Variants in RARB observed in about 807,000 individuals in gnomAD.
RARB encodes HBV-activated protein.
Under a neutral mutation model 51.9 loss-of-function variants are expected in RARB, and 17 were observed. The ratio of observed to expected loss-of-function variants is 0.33; its 90% CI spans 0.22 to 0.49. The LOEUF is 0.49. Ranked by LOEUF, RARB falls within the 20% of genes least tolerant of loss-of-function variation. The probability of loss-of-function intolerance (pLI) is 0.99; values close to 1 mark genes in which losing one functional copy is unlikely to be tolerated. For missense variants in RARB, 369 were observed against 550.8 expected (o/e 0.67, Z 3.30); for synonymous variants, 215 against 195.4 (o/e 1.10, Z -0.84).
intron 5 of RARB, among the ~76,000 whole-genome samples, chr3:25,360,812 C>G (rs987384945): frequency 2.0e-5 from 3 of 152,178 alleles, no homozygotes; most frequent in East Asian, 1.9e-4. Flanking sequence ...GGCCCCTACT[C>G]TCTTCTGGCT....
chr3:25,222,783 A>G (rs1701975198), intron 5 of RARB, among the ~76,000 whole-genome samples: 1 of 152,190 alleles, frequency 6.6e-6, no homozygotes. Context: ...ATACAGTAAC[A>G]TTCTTCATAG....
intron 2 of RARB, among the ~76,000 whole-genome samples, chr3:25,487,293 C>G (rs141896247): frequency 6.6e-6 from 1 of 152,294 alleles, no homozygotes; most frequent in African/African-American, 2.4e-5. Flanking sequence ...ATAATAGACC[C>G]CATTGCTTCT....
intron 5 of RARB, among the ~76,000 whole-genome samples, chr3:25,393,105 T>A (rs1707017407): frequency 2.0e-5 from 3 of 152,148 alleles, no homozygotes; most frequent in African/African-American, 4.8e-5. Context: ...AAAACGATGC[T>A]GGATTTTGTC....
intron 1 of RARB, among the ~76,000 whole-genome samples, chr3:24,829,474 G>A (rs565799700): frequency 1.7e-3 from 262 of 152,274 alleles, no homozygotes; most frequent in African/African-American, 5.5e-3. Flanking sequence ...AGCGTCCCCG[G>A]AGCCCCAAGC....
chr3:25,342,789 A>C (rs566360758), intron 5 of RARB, among the ~76,000 whole-genome samples: 1 of 152,282 alleles, frequency 6.6e-6, no homozygotes, highest in South Asian at 2.1e-4. Context: ...AAGCAGAAAC[A>C]GAGACGGTAG....
At chr3:25,236,652 A>G (rs1051078029) in intron 5 of RARB, among the ~76,000 whole-genome samples, 1 of 152,104 alleles carries the variant, frequency 6.6e-6, no homozygotes, top group Non-Finnish European at 1.5e-5. Flanking sequence ...CCGAACAATT[A>G]ATATATACAT....
intron 5 of RARB, among the ~76,000 whole-genome samples, chr3:25,269,057 C>T (rs1703190867): frequency 6.6e-6 from 1 of 152,010 alleles, no homozygotes; most frequent in African/African-American, 2.4e-5. Flanking sequence ...ATGTTGAATA[C>T]CAAAAGTAAT....
chr3:25,080,216 G>A (rs982470312), intron 3 of RARB, among the ~76,000 whole-genome samples: 1 of 152,170 alleles, frequency 6.6e-6, no homozygotes, highest in South Asian at 2.1e-4. Flanking sequence ...GTTTCACTTA[G>A]AAGAATGTTT....
chr3:25,289,834 G>T (rs1271639900), intron 5 of RARB, among the ~76,000 whole-genome samples: 1 of 152,170 alleles, frequency 6.6e-6, no homozygotes, highest in African/African-American at 2.4e-5. Flanking sequence ...TCAACCAAAG[G>T]ATTAATTTTC....
In RARB at chr3:24,895,334, A is replaced by T. The variant is rs187693411; in HGVS notation, c.-380+36582A>T. ...TACTTTTATTAATCCCTAGCTCTGA[A>T]TTAGTGACTCTCAATTTTGTTGTAC... On this transcript the variant is annotated intron_variant, in intron 2 of 11. Coordinates refer to the RARB transcript ENST00000383772. Among the ~76,000 whole-genome samples the T allele has an allele frequency of 7.9e-5, 12 of 152,320 alleles. No individual in the cohort carries two copies. The East Asian group carries it at 2.3e-3, about 29-fold the overall frequency.
Position 25,596,487 on chromosome 3 carries a change from G to T in RARB, c.1218G>T (p.Met406Ile), listed in dbSNP as rs1701837775. Residue 406 changes from methionine (M) to isoleucine (I), a missense_variant, in exon 8 of 8, where the codon ATG (methionine) becomes ATT (isoleucine). Met to Ile is a conservative substitution (Grantham distance 10, BLOSUM62 1). Coordinates refer to ENST00000330688, the MANE Select transcript of RARB (RefSeq NM_000965.5). ...CAATGCCACCTCTCATTCAAGAAATGCTGGAGAATTCTGAAGGACATGAAC... is the reference window on the plus strand; with the variant it reads ...CAATGCCACCTCTCATTCAAGAAATTCTGGAGAATTCTGAAGGACATGAAC... ...PGSMPPLIQE[M>I]LENSEGHEPL... The T allele has an allele frequency of 6.2e-7, 1 of 1,613,486 alleles. No homozygotes were observed.
In RARB at chr3:25,596,868, T is replaced by C; in HGVS notation, c.*252T>C. 2.9e-6 allele frequency: 1 copy of C among 342,136 alleles called. No individual in the cohort carries two copies. The highest frequency in any genetic ancestry group is 4.3e-5 in the Admixed American group (1 of 23,512). The allele number at this position is 342,136 out of a possible 1,614,324, so 21.2% of individuals were successfully genotyped here. ...AGAAACTAGTTAAAAGCTTCTATTT[T>C]CCTCTTTGAACACTCAAGATTGCAT... On this transcript the variant is annotated 3_prime_UTR_variant, in exon 8 of 8. Coordinates refer to ENST00000330688, the MANE Select transcript of RARB (RefSeq NM_000965.5).
At chr3:25,023,422 T>C (rs1697679028) in intron 2 of RARB, among the ~76,000 whole-genome samples, 1 of 152,200 alleles carries the variant, frequency 6.6e-6, no homozygotes, top group Admixed American at 6.5e-5. Flanking sequence ...GTTGGCTTTG[T>C]CCTTTATTGA....
At chr3:25,120,731 A>G (rs1423146224) in intron 3 of RARB, among the ~76,000 whole-genome samples, 3 of 152,162 alleles carry the variant, frequency 2.0e-5, no homozygotes, top group Non-Finnish European at 4.4e-5. Context: ...AAATTCCATG[A>G]AGATGAATGA....
chr3:25,134,581 A>C (rs1223494841), intron 4 of RARB, among the ~76,000 whole-genome samples: 4 of 151,976 alleles, frequency 2.6e-5, no homozygotes, highest in Non-Finnish European at 4.4e-5. Flanking sequence ...TGATAACGTG[A>C]TACTATCATA....
chr3:25,067,372 A>G (rs1208341930), intron 3 of RARB, among the ~76,000 whole-genome samples: 1 of 152,206 alleles, frequency 6.6e-6, no homozygotes, highest in Non-Finnish European at 1.5e-5. Context: ...ATACACAGAG[A>G]GCATGAGAAA....
At chr3:25,141,669 T>C (rs1338636377) in intron 4 of RARB, among the ~76,000 whole-genome samples, 1 of 152,224 alleles carries the variant, frequency 6.6e-6, no homozygotes, top group African/African-American at 2.4e-5. Flanking sequence ...ATAAATGGCT[T>C]TCTGCACCTG....
intron 1 of RARB, among the ~76,000 whole-genome samples, chr3:25,447,423 C>T (rs1024325302): frequency 5.9e-5 from 9 of 152,152 alleles, no homozygotes; most frequent in East Asian, 1.9e-4. Flanking sequence ...TGTCTGTTTG[C>T]GTGGGCAGGA....
chr3:25,293,129 G>A (rs1051649379), intron 5 of RARB, among the ~76,000 whole-genome samples: 6 of 152,184 alleles, frequency 3.9e-5, no homozygotes, highest in South Asian at 2.1e-4. Context: ...GATCAGACAC[G>A]TTATGTAGAA....
Sources: allele counts gnomAD v4.1 joint callset (sites outside exome capture counted in the v4.1 genomes callset), GRCh38; gene constraint gnomAD v4.1.1; transcripts MANE v1.5; gene names NCBI Gene and HGNC (gene_info 2026-07-23, HGNC 2026-07-21).